The following CEP170 variants were observed in gnomAD, a reference collection of about 807,000 sequenced individuals.
CEP170 encodes the protein centrosomal protein of 170 kDa.
CEP170 carries 21 observed loss-of-function variants against 151.9 expected under a neutral mutation model. That is an observed-to-expected ratio of 0.14 (90% CI 0.10 to 0.20). CEP170 has a LOEUF of 0.20. Ranked by LOEUF, CEP170 falls within the 10% of genes least tolerant of loss-of-function variation. The probability of loss-of-function intolerance (pLI) is 1.00; values close to 1 mark genes in which losing one functional copy is unlikely to be tolerated. For missense variants in CEP170, 964 were observed against 1,892.9 expected, an observed-to-expected ratio of 0.51 and a Z score of 9.11; for synonymous variants, 356 against 648.8, an observed-to-expected ratio of 0.55 and a Z score of 6.86.
At chr1:243,130,227 A>C (rs2054237586) in intron 17 of CEP170, among the ~76,000 whole-genome samples, 1 of 152,188 alleles carries the variant, frequency 6.6e-6, no homozygotes, top group Admixed American at 6.5e-5. Flanking sequence ...GTGTCTGTTA[A>C]GACCTCTTTA....
At chr1:243,226,113 A>G (rs2063244011) in intron 1 of CEP170, among the ~76,000 whole-genome samples, 1 of 118,266 alleles carries the variant, frequency 8.5e-6, no homozygotes, top group African/African-American at 3.6e-5. Context: ...ACGTATATAT[A>G]TGTATATACG....
rs186067563 is a variant in CEP170, at chr1:243,200,689, C to T, written c.334-9G>A. ...ATGGTAAACTTCTCATGCTATAAAA[C>T]ATTTAAAAATGGAAGTGAAACATCA... is the stretch of plus-strand genomic sequence containing the variant. On this transcript the variant is annotated splice_polypyrimidine_tract_variant and intron_variant, in intron 5 of 19. Coordinates refer to ENST00000366542, the MANE Select transcript of CEP170 (RefSeq NM_014812.3). 32,923 of 1,570,418 alleles carry T rather than the reference C, an allele frequency of 0.021. 918 individuals carry two copies. The highest frequency in any genetic ancestry group is 0.14 in the Admixed American group (7,253 of 50,266).
At position 243,153,162 on chromosome 1, in the gene CEP170, T is replaced by A. The variant is rs7547293; in HGVS notation, c.3911+3059A>T. On this transcript the variant is annotated intron_variant, in intron 14 of 19. Transcript: ENST00000366542. Reference sequence around the variant, plus strand: ...ACTAGAGTTAGAAGTGAAGCCTGAATATGGGACTGGATTGCTGCAATCTCG... The same window carrying A: ...ACTAGAGTTAGAAGTGAAGCCTGAAAATGGGACTGGATTGCTGCAATCTCG... Among the ~76,000 whole-genome samples the A allele has an allele frequency of 4.6e-3, 707 of 152,290 alleles. 4 individuals carry two copies. Among genetic ancestry groups the A allele is most frequent in the African/African-American group, 0.016 (685 of 41,568 alleles).
At chr1:243,152,585 G>A (rs1450971110) in intron 14 of CEP170, among the ~76,000 whole-genome samples, 3 of 127,710 alleles carry the variant, frequency 2.3e-5, no homozygotes, top group Non-Finnish European at 4.7e-5. Flanking sequence ...AGGCTGGAGT[G>A]CAGCGGCACA....
intron 1 of CEP170, among the ~76,000 whole-genome samples, chr1:243,250,801 G>A (rs1344690632): frequency 6.6e-6 from 1 of 152,200 alleles, no homozygotes; most frequent in Non-Finnish European, 1.5e-5. Context: ...AATTAGCAGA[G>A]ATGACTGTTG....
intron 4 of CEP170, among the ~76,000 whole-genome samples, chr1:243,204,805 C>A (rs2061303246): frequency 6.6e-6 from 1 of 152,096 alleles, no homozygotes; most frequent in Non-Finnish European, 1.5e-5. Flanking sequence ...ATATCTTTAG[C>A]TTCTACTTCA....
chr1:243,233,619 G>C (rs578167079), intron 1 of CEP170, among the ~76,000 whole-genome samples: 1 of 151,296 alleles, frequency 6.6e-6, no homozygotes, highest in Admixed American at 6.6e-5. Flanking sequence ...TGTAGTCCCA[G>C]CTAATTAGGA....
chr1:243,252,067 T>C (rs958411433), intron 1 of CEP170, among the ~76,000 whole-genome samples: 3 of 152,174 alleles, frequency 2.0e-5, no homozygotes, highest in African/African-American at 7.2e-5. Context: ...ATTTTGGTTA[T>C]TAATGAAATA....
chr1:243,254,186 CAAAATAAA>C (rs1010769843), intron 1 of CEP170, among the ~76,000 whole-genome samples: 12 of 115,514 alleles, frequency 1.0e-4, no homozygotes, highest in African/African-American at 5.5e-4. Context: ...TTACATTCCT[CAAAATAAA>C]TAAATAAATA....
intron 8 of CEP170, among the ~76,000 whole-genome samples, chr1:243,188,876 T>C (rs1414296562): frequency 6.6e-6 from 1 of 152,246 alleles, no homozygotes; most frequent in African/African-American, 2.4e-5. Context: ...TCATGGAAAA[T>C]TGTTATCTAA....
At chr1:243,250,956 A>T (rs1017650045) in intron 1 of CEP170, among the ~76,000 whole-genome samples, 1 of 152,228 alleles carries the variant, frequency 6.6e-6, no homozygotes, top group Non-Finnish European at 1.5e-5. Context: ...AATAGCACTG[A>T]CAAAACTGAT....
intron 1 of CEP170, among the ~76,000 whole-genome samples, chr1:243,239,688 C>G (rs2064628221): frequency 6.6e-6 from 1 of 152,174 alleles, no homozygotes; most frequent in Non-Finnish European, 1.5e-5. Context: ...TCACTTCCCC[C>G]AGAAAAACAC....
At chr1:243,149,595 G>A (rs1235880150) in intron 14 of CEP170, among the ~76,000 whole-genome samples, 1 of 152,124 alleles carries the variant, frequency 6.6e-6, no homozygotes, top group Non-Finnish European at 1.5e-5. Context: ...AACTGACTTG[G>A]CAGATATGCC....
At chr1:243,157,907 C>A (rs2057704459) in intron 13 of CEP170, among the ~76,000 whole-genome samples, 1 of 152,190 alleles carries the variant, frequency 6.6e-6, no homozygotes, top group Non-Finnish European at 1.5e-5. Flanking sequence ...ATAGGTATGA[C>A]AGAATGAACA....
In CEP170 at chr1:243,164,610, G is replaced by C. The variant is rs368602022; in HGVS notation, c.3350C>G (p.Ala1117Gly). The C allele has an allele frequency of 1.1e-3, 1,766 of 1,613,782 alleles. 32 individuals carry two copies. In the South Asian group the frequency reaches 0.017, roughly 15 times the overall value. ...RLGEASDSELADADKASVASE... is the reference protein window; with the variant it reads ...RLGEASDSELGDADKASVASE... Reference sequence around the variant, plus strand: ...AGCAACAGATGCTTTGTCAGCATCAGCAAGTTCACTGTCTGAAGCTTCACC... The same window carrying C: ...AGCAACAGATGCTTTGTCAGCATCACCAAGTTCACTGTCTGAAGCTTCACC... Residue 1117 changes from alanine to glycine, a missense_variant, in exon 13 of 20, where the codon GCT becomes GGT. Coordinates refer to ENST00000366542, the MANE Select transcript of CEP170 (RefSeq NM_014812.3).
chr1:243,144,557 TA>T (rs1157656668), intron 14 of CEP170, among the ~76,000 whole-genome samples: 2 of 152,210 alleles, frequency 1.3e-5, no homozygotes, highest in African/African-American at 2.4e-5. Flanking sequence ...CTTAATGAGA[TA>T]AAATACAGAT....
chr1:243,251,929 T>G (rs565528538), intron 1 of CEP170, among the ~76,000 whole-genome samples: 9 of 152,278 alleles, frequency 5.9e-5, no homozygotes, highest in Admixed American at 3.9e-4. Flanking sequence ...CTGGACAATA[T>G]ATCCAGTTTA....
intron 10 of CEP170, among the ~76,000 whole-genome samples, chr1:243,174,223 G>C (rs901217894): frequency 2.6e-5 from 4 of 151,416 alleles, no homozygotes; most frequent in African/African-American, 7.3e-5. Context: ...TCACAGAATA[G>C]ATTGGAAAAA....
intron 8 of CEP170, among the ~76,000 whole-genome samples, chr1:243,189,219 G>A (rs1368262457): frequency 3.9e-5 from 6 of 152,106 alleles, no homozygotes; most frequent in Admixed American, 6.6e-5. Flanking sequence ...GCCCACAAAT[G>A]GGCTTGTGAG....
Sources: allele counts gnomAD v4.1 joint callset (sites outside exome capture counted in the v4.1 genomes callset), GRCh38; gene constraint gnomAD v4.1.1; transcripts MANE v1.5; gene names NCBI Gene and HGNC (gene_info 2026-07-23, HGNC 2026-07-21).